ANKRD16: variants seen among roughly 807,000 people sequenced by gnomAD.
ANKRD16 encodes the protein ankyrin repeat domain 16, also known as ankyrin repeat domain-containing protein 16.
ANKRD16 carries 35 observed loss-of-function variants against 37.9 expected under a neutral mutation model. That is an observed-to-expected ratio of 0.92 (90% confidence interval 0.71 to 1.23). ANKRD16 has a LOEUF of 1.23. ANKRD16 is among the 50% of genes most tolerant of loss of function. ANKRD16 has a pLI of 0.00. For synonymous variants in ANKRD16, 206 were observed against 197.2 expected (o/e 1.04, Z -0.37); for missense variants, 480 against 469.9 (o/e 1.02, Z -0.20).
intron 5 of ANKRD16, among the ~76,000 whole-genome samples, chr10:5,881,648 A>G (rs1333636575): frequency 6.9e-6 from 1 of 144,300 alleles, no homozygotes; most frequent in African/African-American, 2.6e-5. Context: ...TGTATTTTTT[A>G]GTAGAGACAG....
At position 5,882,994 on chromosome 10, in the gene ANKRD16, GAAGT is replaced by G. The variant is rs1238729699; in HGVS notation, c.849+8_849+11del. On this transcript the variant is annotated splice_region_variant and intron_variant, in intron 5 of 7. Transcript: ENST00000380094. The stretch of plus-strand genomic sequence containing the variant: ...CAGGGAAGCTCGGACAACGTTATAA[GAAGT>G]AACAAACCTTAGCTGCATAATGAAG... The G allele has an allele frequency of 6.2e-7, 1 of 1,611,708 alleles. No individual in the cohort carries two copies. Among genetic ancestry groups the G allele is most frequent in the Admixed American group, 1.7e-5 (1 of 59,998 alleles).
rs1303845230 is a variant in ANKRD16, at chr10:5,865,202, C to A, written c.*34-2511G>T. 6.6e-6 allele frequency among the ~76,000 whole-genome samples: 1 copy of A among 152,166 alleles called. No homozygotes were observed. The highest frequency in any genetic ancestry group is 1.5e-5 in the Non-Finnish European group (1 of 68,030). On this transcript the variant is annotated intron_variant, in intron 7 of 7. Coordinates refer to ENST00000380094, the MANE Select transcript of ANKRD16 (RefSeq NM_019046.3). The surrounding 1 kb of genome is among the most constrained non-coding windows in gnomAD (Gnocchi z 4.7). ...GCCAATCACCTGGTAGGGCTTGTTACCAGTGTGGTTTGCAAGGACACCTTA... is the reference window on the plus strand; with the variant it reads ...GCCAATCACCTGGTAGGGCTTGTTAACAGTGTGGTTTGCAAGGACACCTTA...
chr10:5,883,798 A>T lies in ANKRD16; in HGVS notation c.687+171T>A, dbSNP rs1842362046. Among the ~76,000 whole-genome samples the T allele has an allele frequency of 2.0e-5, 3 of 152,316 alleles. No homozygotes were observed. The South Asian group carries it at 6.2e-4, about 32-fold the overall frequency. The stretch of plus-strand genomic sequence containing the variant: ...TTCTGAAGAAACTACATTTCTCTCC[A>T]TTTTACAGATGGGAACACTGGTGCT... On this transcript the variant is annotated intron_variant, in intron 4 of 7. Transcript: ENST00000380094.
rs1180415305 is a variant in ANKRD16 at position 5,861,734 on chromosome 10, C to G, written c.*991G>C. The G allele has an allele frequency of 6.6e-6, 1 of 150,418 alleles. No homozygotes were observed. The highest frequency in any genetic ancestry group is 2.5e-5 in the African/African-American group (1 of 40,258). The allele number at this position is 150,418 out of a possible 1,614,324, so 9.3% of individuals were successfully genotyped here. A position where few individuals can be genotyped will look rare whatever the true frequency, so the allele number is the denominator to read the frequency against. The stretch of plus-strand genomic sequence containing the variant: ...ACACATCAGACACGGTGTTAAGTGG[C>G]TTAGATGAAATGTCTTTTTTTTTTT... On this transcript the variant is annotated 3_prime_UTR_variant, in exon 8 of 8. Coordinates refer to ENST00000380094, the MANE Select transcript of ANKRD16 (RefSeq NM_019046.3).
rs1471297978 is a variant in ANKRD16, at chr10:5,863,942, C to T, written c.*34-1251G>A. 6.6e-6 allele frequency among the ~76,000 whole-genome samples: 1 copy of T among 152,102 alleles called. No homozygotes were observed. Among genetic ancestry groups the T allele is most frequent in the Non-Finnish European group, 1.5e-5 (1 of 68,018 alleles). On this transcript the variant is annotated intron_variant, in intron 7 of 7. Coordinates refer to ENST00000380094, the MANE Select transcript of ANKRD16 (RefSeq NM_019046.3). This position sits in a 1 kb window ranked among gnomAD's most constrained non-coding sequence, Gnocchi z 4.7. Reference sequence around the variant, plus strand: ...AACACTCAGGCATCAACAGGCTCACCCTTGAAATGCATCTAAGCCATTGGG... The same window carrying T: ...AACACTCAGGCATCAACAGGCTCACTCTTGAAATGCATCTAAGCCATTGGG...
At position 5,869,997 on chromosome 10, in the gene ANKRD16, T is replaced by A. The variant is rs1842063302; in HGVS notation, c.*34-7306A>T. On this transcript the variant is annotated intron_variant, in intron 7 of 7. Transcript: ENST00000380094. This position sits in a 1 kb window ranked among gnomAD's most constrained non-coding sequence, Gnocchi z 4.0. ...CTCTGAGAATCTGCATTTTTCTTTT[T>A]TTCAGGATCCCTAGGTTTGAAGGAA... Among the ~76,000 whole-genome samples the A allele has an allele frequency of 6.6e-6, 1 of 152,104 alleles. No homozygotes were observed. The highest frequency in any genetic ancestry group is 1.5e-5 in the Non-Finnish European group (1 of 68,020).
intron 2 of ANKRD16, among the ~76,000 whole-genome samples, chr10:5,886,514 C>T (rs767851054): frequency 6.6e-6 from 1 of 152,194 alleles, no homozygotes; most frequent in Non-Finnish European, 1.5e-5. Context: ...TTGCTTGAAC[C>T]TGCGAGGCAG....
chr10:5,876,833 T>C (rs1433185600), intron 7 of ANKRD16, among the ~76,000 whole-genome samples: 1 of 151,800 alleles, frequency 6.6e-6, no homozygotes, highest in African/African-American at 2.4e-5. Context: ...TCTAGACTAA[T>C]AATTATTCTT....
chr10:5,882,814 C>G, intron 5 of ANKRD16, 192 bp downstream of exon 5: 1 of 550,864 alleles, frequency 1.8e-6, no homozygotes, highest in Non-Finnish European at 2.9e-6. Flanking sequence ...AAAGTTTTGT[C>G]TAGCAACAAA....
intron 2 of ANKRD16, among the ~76,000 whole-genome samples, chr10:5,887,030 G>A (rs1380369279): frequency 6.6e-6 from 1 of 152,178 alleles, no homozygotes; most frequent in Non-Finnish European, 1.5e-5. Context: ...GCCTTTAAGA[G>A]TAAGAATGTA....
At position 5,887,866 on chromosome 10, in the gene ANKRD16, CCTT is replaced by C. The variant is rs1469606746; in HGVS notation, c.513_515del (p.Arg172del). 29 of 1,613,786 alleles carry C rather than the reference CCTT, an allele frequency of 1.8e-5. No homozygotes were observed. The highest frequency in any genetic ancestry group is 2.5e-5 in the Non-Finnish European group (29 of 1,179,950). On this transcript the variant is annotated inframe_deletion, in exon 2 of 8. Coordinates refer to ENST00000380094, the MANE Select transcript of ANKRD16 (RefSeq NM_019046.3). ...CTGTACCTGCAGTATGCAGAGGAGT[CCTT>C]CTAATTTTGCTCTCTGTCTTCCAGG...
At position 5,863,162 on chromosome 10, in the gene ANKRD16, G is replaced by A. The variant is rs113330159; in HGVS notation, c.*34-471C>T. 0.026 allele frequency among the ~76,000 whole-genome samples: 3,993 copies of A among 152,116 alleles called. 177 individuals are homozygous for A. The highest frequency in any genetic ancestry group is 0.09 in the African/African-American group (3,745 of 41,462). On this transcript the variant is annotated intron_variant, in intron 7 of 7. Coordinates refer to ENST00000380094, the MANE Select transcript of ANKRD16 (RefSeq NM_019046.3). The surrounding 1 kb of genome is among the most constrained non-coding windows in gnomAD (Gnocchi z 4.7). ...CCACACCAGCATTACTGTGGAACTT[G>A]GGAGACATGCAGATCCCACAGGAGA...
intron 5 of ANKRD16, 117 bp from the exon 6 acceptor site, chr10:5,880,493 G>T (rs1842280032): frequency 2.0e-6 from 1 of 493,562 alleles, no homozygotes; most frequent in Non-Finnish European, 3.5e-6. Context: ...CCAAGGTTAA[G>T]GACATACCTG....
chr10:5,884,077 C>T lies in ANKRD16; in HGVS notation c.579G>A (p.Arg193=), dbSNP rs897750405. ...HLEAVKVLLK[R]CQYEPDYRDN... ...CTCTGTAGTCTGGTTCATATTGGCA[C>T]CTAGAGCCAAAACCCCAAGTAAGAG... Residue 193 remains arginine, a splice_region_variant and synonymous_variant, in exon 4 of 8, where the codon AGG becomes AGA. Coordinates refer to ENST00000380094, the MANE Select transcript of ANKRD16 (RefSeq NM_019046.3). 6.2e-7 allele frequency: 1 copy of T among 1,613,396 alleles called. No homozygotes were observed. The highest frequency in any genetic ancestry group is 1.3e-5 in the African/African-American group (1 of 74,936).
rs1167168425 is a variant in ANKRD16 at position 5,861,952 on chromosome 10, A to AGT, written c.*771_*772dup. On this transcript the variant is annotated 3_prime_UTR_variant, in exon 8 of 8. Transcript: ENST00000380094. ...AGTCTTGCTCTGTTGCCCAGGCTGG[A>AGT]GTGCAGTGGCGCATATTCGGCTCAC... The AGT allele has an allele frequency of 1.5e-5, 2 of 137,680 alleles. No homozygotes were observed. The highest frequency in any genetic ancestry group is 4.5e-4 in the East Asian group (2 of 4,464). The allele number at this position is 137,680 out of a possible 1,614,324, so 8.5% of individuals were successfully genotyped here.
rs1440992509 is a variant in ANKRD16 at position 5,863,088 on chromosome 10, C to T, written c.*34-397G>A. Among the ~76,000 whole-genome samples the T allele has an allele frequency of 1.3e-5, 2 of 152,044 alleles. No individual in the cohort carries two copies. The highest frequency in any genetic ancestry group is 2.9e-5 in the Non-Finnish European group (2 of 68,012). On this transcript the variant is annotated intron_variant, in intron 7 of 7. Transcript: ENST00000380094. The surrounding 1 kb of genome is among the most constrained non-coding windows in gnomAD (Gnocchi z 4.7). ...TGCTATACAGCCAGTGATCCTGCCA[C>T]GTCCCTGACTCCATGGGCTTTCAAC...
rs115385263 is a variant in ANKRD16 at position 5,876,719 on chromosome 10, C to T, written c.*33+1378G>A. Among the ~76,000 whole-genome samples the T allele has an allele frequency of 6.6e-3, 998 of 152,284 alleles. 9 individuals carry two copies. The highest frequency in any genetic ancestry group is 0.022 in the African/African-American group (928 of 41,566). ...TTGCTCTGTGCCAAACCGAGCCCAA[C>T]GCTGAGAGTAAGGTGGGTGTGTAAT... On this transcript the variant is annotated intron_variant, in intron 7 of 7. Transcript: ENST00000380094.
intron 2 of ANKRD16, among the ~76,000 whole-genome samples, chr10:5,887,220 A>C (rs75598635): frequency 6.6e-6 from 1 of 152,364 alleles, no homozygotes; most frequent in Non-Finnish European, 1.5e-5. Flanking sequence ...TTCCTTACCC[A>C]AGGTCAAAGA....
Position 5,882,991 on chromosome 10 carries a change from TAAG to T in ANKRD16, c.849+12_849+14del, listed in dbSNP as rs954704906. ...CCTCAGGGAAGCTCGGACAACGTTATAAGAAGTAACAAACCTTAGCTGCATAAT... is the reference window on the plus strand; with the variant it reads ...CCTCAGGGAAGCTCGGACAACGTTATAAGTAACAAACCTTAGCTGCATAAT... On this transcript the variant is annotated intron_variant, in intron 5 of 7. Transcript: ENST00000380094. 1.2e-6 allele frequency: 2 copies of T among 1,611,338 alleles called. No individual in the cohort carries two copies. Among genetic ancestry groups the T allele is most frequent in the African/African-American group, 2.7e-5 (2 of 74,916 alleles).
Sources: allele counts gnomAD v4.1 joint callset (sites outside exome capture counted in the v4.1 genomes callset), GRCh38; gene constraint gnomAD v4.1.1; non-coding constraint Gnocchi (gnomAD v3.1); transcripts MANE v1.5; gene names NCBI Gene and HGNC (gene_info 2026-07-23, HGNC 2026-07-21).